PLEKHG1: variants seen among roughly 807,000 people sequenced by gnomAD.
The protein encoded by PLEKHG1 is pleckstrin homology domain-containing family G member 1.
In PLEKHG1, 44 loss-of-function variants were observed where a neutral mutation model predicts 100.8. The observed-to-expected ratio is 0.44, with a 90% CI of 0.34 to 0.56. The LOEUF (loss-of-function observed/expected upper bound fraction) is 0.56, where lower values mean the gene tolerates loss of function less well. Among genes scored for constraint, PLEKHG1 ranks in the 20% least tolerant of loss-of-function variants. PLEKHG1 has a pLI of 0.01. For synonymous variants in PLEKHG1, 640 were observed against 662.5 expected (o/e 0.97, Z 0.52); for missense variants, 1,545 against 1,720.9 (o/e 0.90, Z 1.81).
intron 3 of PLEKHG1, among the ~76,000 whole-genome samples, chr6:150,702,489 G>A (rs1780831372): frequency 6.6e-6 from 1 of 150,998 alleles, no homozygotes; most frequent in South Asian, 2.1e-4. Context: ...AAGTTCTGAT[G>A]TATGGATCAC....
chr6:150,830,858 A>G lies in PLEKHG1; in HGVS notation c.1747A>G (p.Ser583Gly), dbSNP rs1776879435. ...CAGACTATGTGAAGATAGCACTTCTAGTCGCCCTTGCAGCTGGCATATGGG... is the reference window on the plus strand; with the variant it reads ...CAGACTATGTGAAGATAGCACTTCTGGTCGCCCTTGCAGCTGGCATATGGG... Residue 583 changes from serine (S) to glycine (G), a missense_variant, in exon 15 of 16, where the codon AGT becomes GGT. Physicochemically the swap from Ser to Gly is moderately conservative, Grantham distance 56. Transcript: ENST00000358517. The G allele has an allele frequency of 1.2e-6, 2 of 1,614,208 alleles. No individual in the cohort carries two copies. The highest frequency in any genetic ancestry group is 1.7e-6 in the Non-Finnish European group (2 of 1,180,038).
At chr6:150,822,150 C>CAAAAA (rs58672381) in intron 13 of PLEKHG1, among the ~76,000 whole-genome samples, 32 of 36,740 alleles carry the variant, frequency 8.7e-4, no homozygotes, top group East Asian at 1.2e-3. Flanking sequence ...CCAAAGGACT[C>CAAAAA]AAAAAAAAAA....
intron 3 of PLEKHG1, among the ~76,000 whole-genome samples, chr6:150,706,782 ATACTT>A (rs1270704529): frequency 6.6e-6 from 1 of 151,916 alleles, no homozygotes; most frequent in Non-Finnish European, 1.5e-5. Context: ...ATAGGATAAG[ATACTT>A]TGAATATAAA....
At chr6:150,804,640 G>A in exon 7 of PLEKHG1, 2 of 1,610,388 alleles carry the variant, frequency 1.2e-6, no homozygotes, top group East Asian at 2.2e-5. Flanking sequence ...TAAGGACACA[G>A]AAGGCTATGA....
At chr6:150,832,378 G>A (rs1365129173) in intron 15 of PLEKHG1, among the ~76,000 whole-genome samples, 173 bp downstream of exon 16, 1 of 152,196 alleles carries the variant, frequency 6.6e-6, no homozygotes, top group East Asian at 1.9e-4. Context: ...CGCCTCCTGT[G>A]AATTATCCAC....
intron 3 of PLEKHG1, among the ~76,000 whole-genome samples, chr6:150,653,593 A>G (rs1292510118): frequency 1.3e-5 from 2 of 152,140 alleles, no homozygotes; most frequent in East Asian, 3.9e-4. Flanking sequence ...TCTGCAAAAA[A>G]TACAAAACTC....
At chr6:150,639,230 A>T (rs556044409) in intron 2 of PLEKHG1, among the ~76,000 whole-genome samples, 1 of 152,238 alleles carries the variant, frequency 6.6e-6, no homozygotes, top group Non-Finnish European at 1.5e-5. Context: ...TGCCACTAGA[A>T]TAGAGGATGG....
At chr6:150,667,712 C>T (rs141585674) in intron 3 of PLEKHG1, among the ~76,000 whole-genome samples, 169 of 152,332 alleles carry the variant, frequency 1.1e-3, no homozygotes, top group Non-Finnish European at 2.0e-3. Flanking sequence ...TTTCCTCACA[C>T]ACCCTCTATG....
intron 4 of PLEKHG1, among the ~76,000 whole-genome samples, chr6:150,794,774 G>A (rs1018650978): frequency 3.3e-5 from 5 of 151,916 alleles, no homozygotes; most frequent in Non-Finnish European, 7.4e-5. Flanking sequence ...TGGGGGGTGG[G>A]GCAGAGACGA....
intron 2 of PLEKHG1, among the ~76,000 whole-genome samples, chr6:150,648,958 A>G (rs1021846632): frequency 1.3e-5 from 2 of 152,126 alleles, no homozygotes; most frequent in Admixed American, 6.5e-5. Flanking sequence ...GTTGGATGTT[A>G]AGACCAAATT....
At chr6:150,647,978 C>CT (rs1369551630) in intron 2 of PLEKHG1, among the ~76,000 whole-genome samples, 2 of 151,618 alleles carry the variant, frequency 1.3e-5, no homozygotes, top group East Asian at 3.9e-4. Flanking sequence ...ATGCTTTTTT[C>CT]TTTTTTTAAA....
At chr6:150,733,483 T>C (rs1782383891) in intron 1 of PLEKHG1, 101 bp from the exon 3 acceptor site, 5 of 1,038,782 alleles carry the variant, frequency 4.8e-6, no homozygotes, top group East Asian at 2.7e-5. Context: ...GGCCACCTTG[T>C]TATTGACTGT....
At chr6:150,761,199 G>A (rs1226228506) in intron 2 of PLEKHG1, among the ~76,000 whole-genome samples, 1 of 143,464 alleles carries the variant, frequency 7.0e-6, no homozygotes, top group African/African-American at 2.6e-5. Context: ...TCCACCTCCT[G>A]GGTTCAAGCG....
chr6:150,765,346 A>T (rs1199823622), intron 2 of PLEKHG1, among the ~76,000 whole-genome samples: 2 of 138,536 alleles, frequency 1.4e-5, no homozygotes, highest in Non-Finnish European at 3.0e-5. Context: ...TACAAAAATT[A>T]CCCAGGCATG....
chr6:150,673,585 CTCCT>C (rs1171705441), intron 3 of PLEKHG1, among the ~76,000 whole-genome samples: 6 of 151,812 alleles, frequency 4.0e-5, no homozygotes, highest in East Asian at 1.9e-4. Context: ...CTTTTCTCTT[CTCCT>C]TCCTTCCTTC....
In PLEKHG1 at chr6:150,694,641, A is replaced by C. The variant is rs982911424; in HGVS notation, c.-98-38943A>C. ...CTTGAACCTGGGAGGCAAAGGTTGC[A>C]GTGAGCTGAGATGGTACCATTGTAC... On this transcript the variant is annotated intron_variant, in intron 3 of 3. Transcript: ENST00000367326. Among the ~76,000 whole-genome samples the C allele has an allele frequency of 1.3e-5, 2 of 151,286 alleles. 1 individual carries two copies. Among genetic ancestry groups the C allele is most frequent in the South Asian group, 4.2e-4 (2 of 4,794 alleles).
chr6:150,715,018 C>A (rs536743065), intron 3 of PLEKHG1, among the ~76,000 whole-genome samples: 4 of 151,656 alleles, frequency 2.6e-5, no homozygotes, highest in African/African-American at 7.2e-5. Flanking sequence ...AGGCTGGTCT[C>A]GAACTCCTGG....
At chr6:150,756,275 C>T (rs1183271157) in intron 2 of PLEKHG1, among the ~76,000 whole-genome samples, 1 of 152,214 alleles carries the variant, frequency 6.6e-6, no homozygotes, top group Non-Finnish European at 1.5e-5. Flanking sequence ...TGCACGGTGC[C>T]TCTGCCTGCT....
At chr6:150,620,092 T>G (rs1777231921) in intron 1 of PLEKHG1, among the ~76,000 whole-genome samples, 1 of 152,356 alleles carries the variant, frequency 6.6e-6, no homozygotes, top group South Asian at 2.1e-4. Flanking sequence ...ACATTTCATA[T>G]TTTTGTTTTT....
Sources: allele counts gnomAD v4.1 joint callset (sites outside exome capture counted in the v4.1 genomes callset), GRCh38; gene constraint gnomAD v4.1.1; transcripts MANE v1.5; gene names NCBI Gene and HGNC (gene_info 2026-07-23, HGNC 2026-07-21).